C7: variants seen among roughly 807,000 people sequenced by gnomAD.
C7 encodes the protein complement C7, also known as complement component C7.
C7 carries 83 observed loss-of-function variants against 104.8 expected under a neutral mutation model. The ratio of observed to expected loss-of-function variants is 0.79; its 90% confidence interval spans 0.66 to 0.95. The LOEUF (loss-of-function observed/expected upper bound fraction) is 0.95. Ranked by LOEUF, C7 falls within the 40% of genes least tolerant of loss-of-function variation. The probability of loss-of-function intolerance (pLI) is 0.00; values close to 1 mark genes in which losing one functional copy is unlikely to be tolerated. For synonymous variants in C7, 415 were observed against 360.6 expected (o/e 1.15, Z -1.71); for missense variants, 1,070 against 1,011.2 (o/e 1.06, Z -0.79).
chr5:40,957,036 C>A (rs968726009), intron 10 of C7, among the ~76,000 whole-genome samples: 1 of 152,214 alleles, frequency 6.6e-6, no homozygotes, highest in South Asian at 2.1e-4. Flanking sequence ...AGAAAAGGCA[C>A]TATGCAGGTA....
intron 6 of C7, among the ~76,000 whole-genome samples, chr5:40,941,584 C>G (rs140667144): frequency 4.9e-4 from 75 of 152,218 alleles, no homozygotes; most frequent in African/African-American, 1.7e-3. Context: ...GGGTGGCCAA[C>G]TGGGGGAAAG....
At chr5:40,942,778 T>TG (rs1224182079) in intron 6 of C7, among the ~76,000 whole-genome samples, 9 of 151,512 alleles carry the variant, frequency 5.9e-5, no homozygotes, top group Non-Finnish European at 1.0e-4. Context: ...CTTTTTTTTT[T>TG]TTTTTGAGAC....
intron 6 of C7, among the ~76,000 whole-genome samples, chr5:40,941,317 G>A (rs928236068): frequency 2.0e-5 from 3 of 152,052 alleles, no homozygotes; most frequent in African/African-American, 7.2e-5. Flanking sequence ...ACCCGCCTCG[G>A]CCTCCCAAAG....
At position 40,962,189 on chromosome 5, in the gene C7, A is replaced by G. The variant is rs1261775685; in HGVS notation, c.1749+17A>G. 6.3e-6 allele frequency: 9 copies of G among 1,438,820 alleles called. No homozygotes were observed. The East Asian group carries it at 1.9e-4, about 31-fold the overall frequency. 89.1% of individuals were successfully genotyped at this position (1,438,820 alleles called of 1,614,324 possible). On this transcript the variant is annotated intron_variant, in intron 13 of 17. Transcript: ENST00000313164. ...TTTGTTCAAGTTGGTTATGAAAGAT[A>G]TTTTTTTCCTTTATAATGCTCTAAC...
chr5:40,948,959 G>A (rs941903668), intron 8 of C7, among the ~76,000 whole-genome samples: 1 of 151,640 alleles, frequency 6.6e-6, no homozygotes, highest in Admixed American at 6.6e-5. Context: ...AATTTAACTA[G>A]AACTTGATCT....
intron 2 of C7, among the ~76,000 whole-genome samples, chr5:40,929,560 T>G (rs1420806519): frequency 6.6e-6 from 1 of 152,168 alleles, no homozygotes; most frequent in East Asian, 1.9e-4. Flanking sequence ...CATGCAAGAA[T>G]CATCTTGACT....
rs1162765793 is a variant in C7 at position 40,975,366 on chromosome 5, C to CT, written c.2075-1369dup. ...TAATACCATTTTAAAGAGAAGTGTG[C>CT]TTTTTTTTTTTTTTTGAGACAAGGT... On this transcript the variant is annotated intron_variant, in intron 15 of 17. Coordinates refer to ENST00000313164, the MANE Select transcript of C7 (RefSeq NM_000587.4). Among the ~76,000 whole-genome samples the CT allele has an allele frequency of 1.8e-3, 252 of 142,012 alleles. 1 individual carries two copies. Among genetic ancestry groups the CT allele is most frequent in the African/African-American group, 4.6e-3 (179 of 38,718 alleles). The allele number at this position is 142,012 out of a possible 152,430, so 93.2% of individuals were successfully genotyped here. A position where few individuals can be genotyped will look rare whatever the true frequency, so the allele number is the denominator to read the frequency against.
At chr5:40,951,740 G>A (rs377158587) in intron 9 of C7, among the ~76,000 whole-genome samples, 1 of 152,152 alleles carries the variant, frequency 6.6e-6, no homozygotes, top group South Asian at 2.1e-4. Flanking sequence ...AAATCCTCTT[G>A]GGGTAATGGC....
intron 12 of C7, among the ~76,000 whole-genome samples, chr5:40,961,390 C>CTT (rs34613494): frequency 1.0e-4 from 15 of 147,198 alleles, no homozygotes; most frequent in South Asian, 4.3e-4. Flanking sequence ...TTACCTTCTT[C>CTT]TTTTTTTTTT....
intron 8 of C7, among the ~76,000 whole-genome samples, chr5:40,948,385 G>C (rs1371100493): frequency 6.6e-6 from 1 of 152,084 alleles, no homozygotes; most frequent in Non-Finnish European, 1.5e-5. Context: ...ACTACCCAAT[G>C]AGATGGGCAT....
At chr5:40,926,006 A>C (rs936222255) in intron 1 of C7, among the ~76,000 whole-genome samples, 1 of 152,226 alleles carries the variant, frequency 6.6e-6, no homozygotes, top group Non-Finnish European at 1.5e-5. Context: ...GAACATAGAT[A>C]CAAAAATCTC....
At chr5:40,981,258 G>C (rs1278788532) in intron 17 of C7, 134 bp from the exon 18 acceptor site, 8 of 845,392 alleles carry the variant, frequency 9.5e-6, no homozygotes, top group Non-Finnish European at 1.5e-5. Context: ...GCTTTTCCAG[G>C]GGATAATTTA....
intron 14 of C7, among the ~76,000 whole-genome samples, chr5:40,970,719 G>A (rs541557494): frequency 6.6e-6 from 1 of 151,912 alleles, no homozygotes. Context: ...TTTAAGCCTC[G>A]CATGCATTAG....
intron 12 of C7, among the ~76,000 whole-genome samples, chr5:40,961,367 T>A (rs1740416193): frequency 6.6e-6 from 1 of 151,396 alleles, no homozygotes; most frequent in Non-Finnish European, 1.5e-5. Context: ...TCTTTTGGGG[T>A]CACTAACTCT....
Position 40,979,845 on chromosome 5 carries a change from C to T in C7, c.2286C>T (p.Ser762=), listed in dbSNP as rs748223986. The T allele has an allele frequency of 1.9e-6, 3 of 1,612,270 alleles. No homozygotes were observed. The highest frequency in any genetic ancestry group is 2.5e-6 in the Non-Finnish European group (3 of 1,178,930). The change falls in exon 17 of 18, where the codon AGC becomes AGT. Residue 762 remains serine, a synonymous_variant. Transcript: ENST00000313164. ...ATTACACCCTTACTGGTAGGGACAG[C>T]TGTACTCTGCCTGCCTCAGCTGAGA... The part of the protein sequence containing the change: ...GRNYTLTGRD[S]CTLPASAEKA...
At chr5:40,981,244 T>C (rs1740934521) in intron 17 of C7, 148 bp from the exon 18 acceptor site, 3 of 767,018 alleles carry the variant, frequency 3.9e-6, no homozygotes, top group Non-Finnish European at 4.2e-6. Flanking sequence ...TTCCTGGTCC[T>C]ACTGCTTTTC....
intron 11 of C7, among the ~76,000 whole-genome samples, chr5:40,958,687 A>G (rs1278966120): frequency 2.0e-5 from 3 of 152,188 alleles, no homozygotes; most frequent in Non-Finnish European, 4.4e-5. Context: ...TTTGTTGAAC[A>G]TCTGCTGTGT....
chr5:40,969,935 T>C (rs576797945), intron 14 of C7, among the ~76,000 whole-genome samples: 5 of 152,206 alleles, frequency 3.3e-5, no homozygotes, highest in African/African-American at 1.2e-4. Context: ...TTTAATTTTG[T>C]ACAGTCTTTC....
chr5:40,964,963 T>G (rs998796892), intron 14 of C7, 90 bp downstream of exon 14: 3 of 1,420,032 alleles, frequency 2.1e-6, no homozygotes, highest in Non-Finnish European at 2.0e-6. Context: ...ATATGGCCCA[T>G]GTGTTGGCCT....
Sources: gnomAD v4.1 joint callset for allele counts (sites outside exome capture counted in the v4.1 genomes callset) on GRCh38, gnomAD v4.1.1 for gene constraint, MANE v1.5 for transcripts, NCBI Gene and HGNC (gene_info 2026-07-23, HGNC 2026-07-21) for gene names.